Variants in SHPRH observed in about 807,000 individuals in gnomAD.
The protein encoded by SHPRH is SNF2 histone linker PHD RING helicase.
SHPRH carries 106 observed loss-of-function variants against 202.5 expected under a neutral mutation model. The observed-to-expected ratio is 0.52, with a 90% CI of 0.45 to 0.62. The LOEUF (loss-of-function observed/expected upper bound fraction) is 0.62, where lower values mean the gene tolerates loss of function less well. Ranked by LOEUF, SHPRH falls within the 20% of genes least tolerant of loss-of-function variation. The probability of loss-of-function intolerance (pLI) is 0.00; values close to 1 mark genes in which losing one functional copy is unlikely to be tolerated. For synonymous variants in SHPRH, 729 were observed against 686.0 expected, an observed-to-expected ratio of 1.06 and a Z score of -0.98; for missense variants, 1,710 against 2,020.0, an observed-to-expected ratio of 0.85 and a Z score of 2.94.
chr6:145,935,522 C>T (rs1785976740), intron 11 of SHPRH, 81 bp from the exon 12 acceptor site: 1 of 1,355,344 alleles, frequency 7.4e-7, no homozygotes. Context: ...ACAGACATTA[C>T]ACAGCACATA....
At chr6:145,888,286 C>T (rs1290584880) in intron 28 of SHPRH, among the ~76,000 whole-genome samples, 186 bp from the exon 29 acceptor site, 2 of 152,038 alleles carry the variant, frequency 1.3e-5, no homozygotes, top group Non-Finnish European at 2.9e-5. Flanking sequence ...TAATGAGAGA[C>T]AGACAATAAA....
chr6:145,947,695 C>T, intron 5 of SHPRH, 52 bp from the exon 6 acceptor site: 1 of 1,587,980 alleles, frequency 6.3e-7, no homozygotes, highest in Admixed American at 1.7e-5. Flanking sequence ...ATACAAATTA[C>T]AATGTTCCTA....
At chr6:145,878,234 C>T (rs1396446295) in intron 2 of SHPRH, among the ~76,000 whole-genome samples, 1 of 152,148 alleles carries the variant, frequency 6.6e-6, no homozygotes, top group Non-Finnish European at 1.5e-5. Context: ...CCCCCCAACC[C>T]CATGCACAAC....
At chr6:145,867,910 C>A (rs1348737881) in intron 2 of SHPRH, among the ~76,000 whole-genome samples, 1 of 151,990 alleles carries the variant, frequency 6.6e-6, no homozygotes, top group Non-Finnish European at 1.5e-5. Context: ...GATACCTCCA[C>A]AAAAACTCTC....
intron 16 of SHPRH, among the ~76,000 whole-genome samples, chr6:145,925,375 T>C (rs963989179): frequency 7.7e-5 from 6 of 77,816 alleles, no homozygotes; most frequent in South Asian, 3.9e-4. Context: ...CACACATGCA[T>C]GCAATAAAAA....
intron 24 of SHPRH, among the ~76,000 whole-genome samples, chr6:145,912,425 A>G (rs74709984): frequency 0.04 from 6,051 of 152,190 alleles, 396 homozygotes; most frequent in African/African-American, 0.13. Context: ...TTAAAAACTG[A>G]AAATGTTTAA....
At position 145,934,989 on chromosome 6, in the gene SHPRH, T is replaced by C. The variant is rs1177837152; in HGVS notation, c.2908A>G (p.Ile970Val). The C allele has an allele frequency of 6.2e-7, 1 of 1,614,016 alleles. No individual in the cohort carries two copies. Among genetic ancestry groups the C allele is most frequent in the Non-Finnish European group, 8.5e-7 (1 of 1,179,982 alleles). Residue 970 changes from isoleucine to valine, a missense_variant, in exon 13 of 30, where the codon ATC (isoleucine) becomes GTC (valine). Ile to Val is a conservative substitution (Grantham distance 29, BLOSUM62 3). Around this residue, in one of 8 missense-constraint regions of SHPRH, gnomAD observed 277 missense variants for 363.0 expected, o/e 0.76. Coordinates refer to ENST00000275233, the MANE Select transcript of SHPRH (RefSeq NM_001042683.3). ...SSLDRRTVTS[I>V]LYPLLRLRQA... is the part of the protein sequence containing the mutation. ...CTGAGCCTCAGCAATGGATACAGGA[T>C]AGAGGTGACAGTCCTTCTGTCTAGG... is the stretch of plus-strand genomic sequence containing the variant.
chr6:145,940,864 T>C, intron 10 of SHPRH, 63 bp from the exon 11 acceptor site: 1 of 1,535,442 alleles, frequency 6.5e-7, no homozygotes, highest in African/African-American at 1.4e-5. Context: ...AACACAGAAG[T>C]CAGGCATACT....
Position 145,952,391 on chromosome 6 carries a change from T to C in SHPRH, c.721A>G (p.Met241Val). Reference protein sequence around the residue: ...NSRMKKFNQLMKKVMEKLHNS... With the variant: ...NSRMKKFNQLVKKVMEKLHNS... Reference sequence around the variant, plus strand: ...TGTAACTTTTCCATTACTTTCTTCATGAGCTGATTGAACTTTTTCATTCTT... The same window carrying C: ...TGTAACTTTTCCATTACTTTCTTCACGAGCTGATTGAACTTTTTCATTCTT... The change falls in exon 3 of 30, where the codon ATG becomes GTG. Residue 241 changes from methionine (M) to valine (V), a missense_variant. Met to Val is a conservative substitution (Grantham distance 21). Coordinates refer to ENST00000275233, the MANE Select transcript of SHPRH (RefSeq NM_001042683.3). 6.2e-7 allele frequency: 1 copy of C among 1,610,436 alleles called. No homozygotes were observed.
In SHPRH at chr6:145,955,003, T is replaced by C. The variant is rs765055197; in HGVS notation, c.320A>G (p.His107Arg). The C allele has an allele frequency of 6.2e-7, 1 of 1,613,672 alleles. No homozygotes were observed. The highest frequency in any genetic ancestry group is 2.2e-5 in the East Asian group (1 of 44,858). ...AAATGCTTTCCAGGAATTATCAAAA[T>C]GATAGGGAGAAATCACAATATTTAA... ...VKLNIVISPY[H>R]FDNSWKAFLG... Residue 107 changes from histidine (H) to arginine (R), a missense_variant, in exon 2 of 30, where the codon CAT (histidine) becomes CGT (arginine). His to Arg is a conservative substitution (Grantham distance 29). This residue lies in a region of SHPRH where 459 missense variants were observed against 426.5 expected (regional missense o/e 1.08). Transcript: ENST00000275233.
intron 25 of SHPRH, among the ~76,000 whole-genome samples, chr6:145,895,536 TG>T (rs1781939075): frequency 7.1e-6 from 1 of 141,300 alleles, no homozygotes; most frequent in South Asian, 2.3e-4. Context: ...TAAAACTGTG[TG>T]TTTTTTTTTT....
At chr6:145,926,517 A>G (rs564245407) in intron 15 of SHPRH, among the ~76,000 whole-genome samples, 61 of 151,876 alleles carry the variant, frequency 4.0e-4, no homozygotes, top group Non-Finnish European at 6.2e-4. Context: ...TCCATGCAGA[A>G]TATCAGATTT....
intron 25 of SHPRH, among the ~76,000 whole-genome samples, chr6:145,899,826 T>G (rs964359921): frequency 4.0e-5 from 6 of 151,126 alleles, no homozygotes; most frequent in African/African-American, 1.5e-4. Flanking sequence ...ACAACCTGAG[T>G]AAAAAATGGG....
chr6:145,864,557 G>A (rs537254437), intron 2 of SHPRH: 3 of 199,690 alleles, frequency 1.5e-5, no homozygotes, highest in East Asian at 2.8e-4. Flanking sequence ...AAACAATAAA[G>A]CCTCTTGGAA....
intron 5 of SHPRH, 45 bp downstream of exon 5, chr6:145,948,227 A>G (rs779266112): frequency 7.2e-7 from 1 of 1,392,350 alleles, no homozygotes; most frequent in Admixed American, 2.1e-5. Flanking sequence ...GTTTTTCATT[A>G]TATTTATTTT....
chr6:145,875,843 A>G (rs982010476), intron 2 of SHPRH, among the ~76,000 whole-genome samples: 2 of 152,182 alleles, frequency 1.3e-5, no homozygotes, highest in African/African-American at 4.8e-5. Flanking sequence ...AGTGAGATTC[A>G]CAGGCCTGGA....
chr6:145,863,940 A>G (rs993524348), downstream of SHPRH, among the ~76,000 whole-genome samples: 1 of 152,216 alleles, frequency 6.6e-6, no homozygotes, highest in Non-Finnish European at 1.5e-5. Flanking sequence ...TGCTAAATAG[A>G]TTTTGTTAAA....
At chr6:145,893,433 TTAAAA>T (rs199615253) in intron 27 of SHPRH, 40 bp from the exon 28 acceptor site, 19,789 of 1,521,792 alleles carry the variant, frequency 0.013, 170 homozygotes, top group Admixed American at 0.019. Flanking sequence ...GCTCGATCAG[TTAAAA>T]TAAGAGCAGT....
intron 28 of SHPRH, among the ~76,000 whole-genome samples, chr6:145,888,535 G>A (rs779340147): frequency 3.3e-5 from 5 of 152,162 alleles, no homozygotes; most frequent in South Asian, 2.1e-4. Flanking sequence ...TCCTGTAAGC[G>A]AGGGAGAGAG....
Sources: allele counts gnomAD v4.1 joint callset (sites outside exome capture counted in the v4.1 genomes callset), GRCh38; gene constraint gnomAD v4.1.1; regional missense constraint gnomAD v4.1.1; transcripts MANE v1.5; gene names NCBI Gene and HGNC (gene_info 2026-07-23, HGNC 2026-07-21).